The following KCNAB1 variants were observed in gnomAD, a reference collection of about 807,000 sequenced individuals.
KCNAB1 encodes potassium voltage-gated channel subfamily A regulatory beta subunit 1.
Under a neutral mutation model 64.6 loss-of-function variants are expected in KCNAB1, and 35 were observed. The observed-to-expected ratio is 0.54, with a 90% CI of 0.41 to 0.72. The LOEUF is 0.72. Among genes scored for constraint, KCNAB1 ranks in the 30% least tolerant of loss-of-function variants. The probability of loss-of-function intolerance (pLI) is 0.00; values close to 1 mark genes in which losing one functional copy is unlikely to be tolerated. For synonymous variants in KCNAB1, 177 were observed against 183.8 expected (o/e 0.96, Z 0.30); for missense variants, 401 against 512.9 (o/e 0.78, Z 2.11).
chr3:156,216,425 A>G (rs940932839), intron 1 of KCNAB1, among the ~76,000 whole-genome samples: 1 of 152,228 alleles, frequency 6.6e-6, no homozygotes, highest in African/African-American at 2.4e-5. Context: ...TTGCAATTAC[A>G]TTCCGTCATT....
chr3:156,262,681 C>T (rs192054778), intron 1 of KCNAB1, among the ~76,000 whole-genome samples: 1 of 151,706 alleles, frequency 6.6e-6, no homozygotes, highest in African/African-American at 2.4e-5. Context: ...AAAATAATAC[C>T]TTAAAGAAGA....
At chr3:156,186,761 T>C (rs999712718) in intron 1 of KCNAB1, among the ~76,000 whole-genome samples, 3 of 152,110 alleles carry the variant, frequency 2.0e-5, no homozygotes, top group Non-Finnish European at 4.4e-5. Context: ...GTTTCAGGCC[T>C]TGCTCTCCTT....
At chr3:156,413,594 T>C (rs1037669458) in intron 1 of KCNAB1, among the ~76,000 whole-genome samples, 1 of 152,192 alleles carries the variant, frequency 6.6e-6, no homozygotes, top group African/African-American at 2.4e-5. Flanking sequence ...TGATAGTAAG[T>C]GATAGAGGCA....
intron 1 of KCNAB1, among the ~76,000 whole-genome samples, chr3:156,177,935 A>C (rs1577676476): frequency 6.6e-6 from 1 of 151,136 alleles, no homozygotes; most frequent in African/African-American, 2.4e-5. Context: ...ACGGGGTTTC[A>C]CCATGTTGGT....
At chr3:156,321,158 C>A (rs1722634648) in intron 1 of KCNAB1, among the ~76,000 whole-genome samples, 1 of 152,152 alleles carries the variant, frequency 6.6e-6, no homozygotes, top group African/African-American at 2.4e-5. Context: ...CCTTTCTTTT[C>A]TTTTCATTCA....
At chr3:156,229,994 G>A (rs1409585028) in intron 1 of KCNAB1, among the ~76,000 whole-genome samples, 5 of 152,088 alleles carry the variant, frequency 3.3e-5, no homozygotes, top group African/African-American at 1.2e-4. Context: ...TTATGTTTCA[G>A]GCCTGGTGCT....
At chr3:156,190,407 G>T (rs1713486892) in intron 1 of KCNAB1, among the ~76,000 whole-genome samples, 1 of 151,830 alleles carries the variant, frequency 6.6e-6, no homozygotes, top group Non-Finnish European at 1.5e-5. Flanking sequence ...ACAGCTCAGA[G>T]ACATAAGAAG....
chr3:156,170,248 A>C (rs1257915164), intron 1 of KCNAB1, among the ~76,000 whole-genome samples: 1 of 150,604 alleles, frequency 6.6e-6, no homozygotes, highest in African/African-American at 2.4e-5. Flanking sequence ...CCTAAGTGCA[A>C]CATTTCCCTG....
intron 1 of KCNAB1, 43 bp downstream of exon 1, chr3:156,120,929 C>A: frequency 1.2e-6 from 2 of 1,601,308 alleles, no homozygotes; most frequent in South Asian, 1.1e-5. Flanking sequence ...AGACGCCGTT[C>A]GAAGGTGCTC....
At chr3:156,260,541 A>G (rs1718372084) in intron 1 of KCNAB1, among the ~76,000 whole-genome samples, 1 of 152,106 alleles carries the variant, frequency 6.6e-6, no homozygotes, top group South Asian at 2.1e-4. Context: ...TTTTTTGTCT[A>G]GCTCCTTTCA....
intron 1 of KCNAB1, among the ~76,000 whole-genome samples, chr3:156,263,257 A>G (rs1718528137): frequency 1.3e-5 from 2 of 151,958 alleles, no homozygotes; most frequent in African/African-American, 4.8e-5. Context: ...TTTCTGATAT[A>G]GGTGTTTAAA....
chr3:156,205,682 C>T (rs1442026037), intron 1 of KCNAB1, among the ~76,000 whole-genome samples: 1 of 152,136 alleles, frequency 6.6e-6, no homozygotes, highest in Admixed American at 6.5e-5. Flanking sequence ...TAATCTCTTG[C>T]CCCCAAATTC....
chr3:156,258,402 T>C (rs1718227651), intron 1 of KCNAB1, among the ~76,000 whole-genome samples: 1 of 152,234 alleles, frequency 6.6e-6, no homozygotes, highest in Non-Finnish European at 1.5e-5. Flanking sequence ...TTTTCTATCA[T>C]GTACTGTCAT....
At chr3:156,345,510 G>A (rs1423375602) in intron 1 of KCNAB1, among the ~76,000 whole-genome samples, 1 of 152,198 alleles carries the variant, frequency 6.6e-6, no homozygotes, top group Non-Finnish European at 1.5e-5. Flanking sequence ...TTGGATTCAA[G>A]GCAATGAGAA....
chr3:156,460,121 A>C (rs1712790399), intron 5 of KCNAB1: 1 of 421,472 alleles, frequency 2.4e-6, no homozygotes, highest in Admixed American at 4.3e-5. Flanking sequence ...ATGTTCATGA[A>C]ATATTTGTGC....
chr3:156,137,936 C>T (rs1379650119), intron 1 of KCNAB1, among the ~76,000 whole-genome samples: 2 of 152,126 alleles, frequency 1.3e-5, no homozygotes, highest in African/African-American at 4.8e-5. Context: ...AGGGTATCTT[C>T]TCTGATCCTC....
At chr3:156,277,696 C>A (rs1459589394) in intron 1 of KCNAB1, among the ~76,000 whole-genome samples, 2 of 152,172 alleles carry the variant, frequency 1.3e-5, no homozygotes, top group Non-Finnish European at 2.9e-5. Context: ...AATAGTGCTG[C>A]AACAAACACA....
chr3:156,158,186 ATAAATAAAT>A (rs1265331666), intron 1 of KCNAB1, among the ~76,000 whole-genome samples: 16 of 89,040 alleles, frequency 1.8e-4, no homozygotes, highest in East Asian at 5.3e-4. Context: ...TAAAAAATAA[ATAAATAAAT>A]AAATAAATAA....
intron 1 of KCNAB1, chr3:156,143,319 G>T: frequency 6.2e-7 from 1 of 1,612,540 alleles, no homozygotes; most frequent in Non-Finnish European, 8.5e-7. Flanking sequence ...AACCTGTGAG[G>T]CCCAGTGGAG....
Sources: gnomAD v4.1 joint callset for allele counts (sites outside exome capture counted in the v4.1 genomes callset) on GRCh38, gnomAD v4.1.1 for gene constraint, MANE v1.5 for transcripts, NCBI Gene and HGNC (gene_info 2026-07-23, HGNC 2026-07-21) for gene names.